The following IL6R variants were observed in gnomAD, a reference collection of about 807,000 sequenced individuals.
IL6R encodes interleukin 6 receptor.
In IL6R, 38 loss-of-function variants were observed where a neutral mutation model predicts 48.3. That is an observed-to-expected ratio of 0.79 (90% CI 0.61 to 1.03). The LOEUF (loss-of-function observed/expected upper bound fraction) is 1.03. IL6R is among the 50% of genes least tolerant of loss of function. The pLI is 0.00. For synonymous variants in IL6R, 264 were observed against 256.2 expected, an observed-to-expected ratio of 1.03 and a Z score of -0.29; for missense variants, 534 against 618.3, an observed-to-expected ratio of 0.86 and a Z score of 1.45.
At chr1:154,444,944 C>A (rs949032732) in intron 6 of IL6R, 1 of 410,316 alleles carries the variant, frequency 2.4e-6, no homozygotes, top group South Asian at 1.7e-5. Context: ...CACCCGCCCC[C>A]CCCAAATGAG....
At chr1:154,447,639 C>G (rs1175513014) in intron 6 of IL6R, among the ~76,000 whole-genome samples, 2 of 150,788 alleles carry the variant, frequency 1.3e-5, no homozygotes, top group Admixed American at 1.3e-4. Flanking sequence ...ATAATTTCTA[C>G]AGCTAGTCCC....
intron 6 of IL6R, among the ~76,000 whole-genome samples, chr1:154,439,649 C>T (rs570551825): frequency 6.6e-6 from 1 of 152,276 alleles, no homozygotes; most frequent in Non-Finnish European, 1.5e-5. Flanking sequence ...AGCTCTGTGG[C>T]ATTAAGTATT....
intron 6 of IL6R, among the ~76,000 whole-genome samples, chr1:154,447,468 T>C (rs1406475165): frequency 0.074 from 7,353 of 99,834 alleles, 1,582 homozygotes; most frequent in African/African-American, 0.33. Context: ...TATATATATA[T>C]ATATATATAC....
intron 8 of IL6R, among the ~76,000 whole-genome samples, chr1:154,450,708 A>G (rs1690535504): frequency 1.3e-5 from 2 of 152,338 alleles, no homozygotes; most frequent in Admixed American, 1.3e-4. Flanking sequence ...TGAATCAAGA[A>G]AGATCACAAG....
Position 154,465,204 on chromosome 1 carries a change from G to A in IL6R, c.1231G>A (p.Gly411Arg), listed in dbSNP as rs780683821. 8 of 1,613,994 alleles carry A rather than the reference G, an allele frequency of 5.0e-6. No homozygotes were observed. In the South Asian group the frequency reaches 6.6e-5, roughly 13 times the overall value. Residue 411 changes from glycine to arginine, a missense_variant, in exon 10 of 10, where the codon GGG becomes AGG. Gly to Arg is a moderately radical substitution (Grantham distance 125). Coordinates refer to ENST00000368485, the MANE Select transcript of IL6R (RefSeq NM_000565.4). ...AAGCATGCATCCGCCGTACTCTTTG[G>A]GGCAGCTGGTCCCGGAGAGGCCTCG... ...KTSMHPPYSL[G>R]QLVPERPRPT... is the part of the protein sequence containing the mutation.
In IL6R at chr1:154,448,954, C is replaced by T. The variant is rs1271296804; in HGVS notation, c.996+783C>T. ...CAGGTGGGACTGCGGACTGCAGTGG[C>T]GCAATCTTGGCTCACTGCAAGCTCC... On this transcript the variant is annotated intron_variant, in intron 7 of 9. Coordinates refer to ENST00000368485, the MANE Select transcript of IL6R (RefSeq NM_000565.4). Among the ~76,000 whole-genome samples the T allele has an allele frequency of 3.9e-5, 5 of 126,750 alleles. No individual in the cohort carries two copies. In the South Asian group the frequency reaches 1.3e-3, roughly 32 times the overall value. 83.2% of individuals were successfully genotyped at this position (126,750 alleles called of 152,430 possible). A position where few individuals can be genotyped will look rare whatever the true frequency, so the allele number is the denominator to read the frequency against.
In IL6R at chr1:154,465,266, G is replaced by A. The variant is rs973125399; in HGVS notation, c.1293G>A (p.Pro431=). 1.2e-5 allele frequency: 20 copies of A among 1,614,000 alleles called. No homozygotes were observed. The highest frequency in any genetic ancestry group is 6.7e-5 in the African/African-American group (5 of 74,892). The change falls in exon 10 of 10, where the codon CCG becomes CCA. Residue 431 remains proline (P), a synonymous_variant. Coordinates refer to ENST00000368485, the MANE Select transcript of IL6R (RefSeq NM_000565.4). ...TGCTTGTTCCTCTCATCTCCCCACC[G>A]GTGTCCCCCAGCAGCCTGGGGTCTG... ...TPVLVPLISP[P]VSPSSLGSDN...
intron 1 of IL6R, among the ~76,000 whole-genome samples, chr1:154,410,826 C>T (rs1687978950): frequency 6.6e-6 from 1 of 152,222 alleles, no homozygotes; most frequent in African/African-American, 2.4e-5. Flanking sequence ...CACTTCCCAA[C>T]CGCTTTCCCG....
intron 6 of IL6R, among the ~76,000 whole-genome samples, chr1:154,439,866 T>C (rs1031463878): frequency 6.6e-6 from 1 of 152,148 alleles, no homozygotes; most frequent in African/African-American, 2.4e-5. Context: ...CCTACCTGCC[T>C]GCCTGCCTTC....
At position 154,430,493 on chromosome 1, in the gene IL6R, G is replaced by T. The variant is rs542145855; in HGVS notation, c.345G>T (p.Glu115Asp). 4 of 1,613,678 alleles carry T rather than the reference G, an allele frequency of 2.5e-6. No homozygotes were observed. The African/African-American group carries it at 4.0e-5, about 16-fold the overall frequency. ...TVHLLVDVPP[E>D]EPQLSCFRKS... ...ATGCTTTCCTTTCAGTTCCCCCCGAGGAGCCCCAGCTCTCCTGCTTCCGGA... is the reference window on the plus strand; with the variant it reads ...ATGCTTTCCTTTCAGTTCCCCCCGATGAGCCCCAGCTCTCCTGCTTCCGGA... Residue 115 changes from glutamate (E) to aspartate (D), a missense_variant, in exon 3 of 10, where the codon GAG becomes GAT. Glu to Asp is a conservative substitution (Grantham distance 45). Coordinates refer to ENST00000368485, the MANE Select transcript of IL6R (RefSeq NM_000565.4).
In IL6R at chr1:154,449,932, G is replaced by A. The variant is rs747599074; in HGVS notation, c.1018G>A (p.Asp340Asn). 4.4e-5 allele frequency: 71 copies of A among 1,609,638 alleles called. No homozygotes were observed. Among genetic ancestry groups the A allele is most frequent in the South Asian group, 2.0e-4 (18 of 90,982 alleles). Residue 340 changes from aspartate (D) to asparagine (N), a missense_variant, in exon 8 of 10, where the codon GAT becomes AAT. By Grantham distance (23) the Asp-to-Asn change is conservative. Coordinates refer to ENST00000368485, the MANE Select transcript of IL6R (RefSeq NM_000565.4). ...TTAGGCACTTACTACTAATAAAGAC[G>A]ATGATAATATTCTCTTCAGAGATTC... ...PMQALTTNKD[D>N]DNILFRDSAN...
Position 154,458,600 on chromosome 1 carries a change from A to G in IL6R, c.1160+4019A>G, listed in dbSNP as rs147825836. Among the ~76,000 whole-genome samples the G allele has an allele frequency of 9.9e-4, 150 of 152,232 alleles. 1 individual carries two copies. In the East Asian group the frequency reaches 0.019, roughly 19 times the overall value. On this transcript the variant is annotated intron_variant, in intron 9 of 9. Transcript: ENST00000368485. The stretch of plus-strand genomic sequence containing the variant: ...AACTGAAGCTAAAAGAGATGGTGCG[A>G]TAACAGCTAGTAAGAATAGGCCAGG...
In IL6R at chr1:154,432,310, G is replaced by T. The variant is rs527636755; in HGVS notation, c.458+1704G>T. ...GAGACTGTGGCTGGCAGCTTCCCAG[G>T]CCAGCCTGTGGAAAGCTCTGTCATT... On this transcript the variant is annotated intron_variant, in intron 3 of 9. Transcript: ENST00000368485. Among the ~76,000 whole-genome samples, 4 of 152,048 alleles carry T rather than the reference G, an allele frequency of 2.6e-5. No homozygotes were observed. The South Asian group carries it at 8.3e-4, about 32-fold the overall frequency.
At chr1:154,412,096 C>T (rs1190797413) in intron 1 of IL6R, among the ~76,000 whole-genome samples, 7 of 151,040 alleles carry the variant, frequency 4.6e-5, no homozygotes, top group Non-Finnish European at 7.4e-5. Context: ...TACAGGCATC[C>T]GCCACGACGC....
chr1:154,450,093 G>A, intron 8 of IL6R, 113 bp downstream of exon 8: 8 of 577,482 alleles, frequency 1.4e-5, no homozygotes, highest in South Asian at 1.1e-4. Context: ...CAGATCAATC[G>A]CAGAAATGTT....
chr1:154,414,635 C>T (rs1030692229), intron 1 of IL6R: 10 of 810,386 alleles, frequency 1.2e-5, no homozygotes, highest in Admixed American at 5.9e-5. Context: ...AGCAGGATGT[C>T]GATGAAGACG....
intron 2 of IL6R, among the ~76,000 whole-genome samples, chr1:154,429,996 G>A (rs186526795): frequency 6.6e-6 from 1 of 152,280 alleles, no homozygotes. Flanking sequence ...AGTGCCCTGT[G>A]TGTCGAGCCC....
chr1:154,427,449 C>T lies in IL6R; in HGVS notation c.86-1747C>T, dbSNP rs142692046. Among the ~76,000 whole-genome samples the T allele has an allele frequency of 2.4e-4, 36 of 152,302 alleles. No individual in the cohort carries two copies. In the East Asian group the frequency reaches 6.6e-3, roughly 28 times the overall value. The stretch of plus-strand genomic sequence containing the variant: ...ACCTGCCCAAACTCGCCTGGCTGCA[C>T]GGTGACAATTCAACCAGCTTTCTTA... On this transcript the variant is annotated intron_variant, in intron 1 of 9. Transcript: ENST00000368485.
chr1:154,447,556 C>CATACAT (rs1570987609), intron 6 of IL6R, among the ~76,000 whole-genome samples: 15 of 135,678 alleles, frequency 1.1e-4, no homozygotes, highest in East Asian at 4.1e-4. Flanking sequence ...TACACATACA[C>CATACAT]ATATATATAT....
Sources: gnomAD v4.1 joint callset for allele counts (sites outside exome capture counted in the v4.1 genomes callset) on GRCh38, gnomAD v4.1.1 for gene constraint, MANE v1.5 for transcripts, NCBI Gene and HGNC (gene_info 2026-07-23, HGNC 2026-07-21) for gene names.